The following IL1RAPL2 variants were observed in gnomAD, a reference collection of about 807,000 sequenced individuals.
IL1RAPL2 encodes X-linked interleukin-1 receptor accessory protein-like 2.
A neutral mutation model predicts 44.1 loss-of-function variants in IL1RAPL2; 3 were observed. The observed-to-expected ratio is 0.07, with a 90% CI of 0.03 to 0.18. The LOEUF is 0.18. IL1RAPL2 is among the 10% of genes least tolerant of loss of function. IL1RAPL2 has a pLI of 1.00. For missense variants in IL1RAPL2, 391 were observed against 496.4 expected, an observed-to-expected ratio of 0.79 and a Z score of 2.02; for synonymous variants, 181 against 178.8, an observed-to-expected ratio of 1.01 and a Z score of -0.10.
chrX:105,755,080 TA>T, intron 9 of IL1RAPL2, 96 bp from the exon 10 acceptor site: 1 of 528,924 alleles, frequency 1.9e-6, no homozygotes, highest in Admixed American at 3.4e-5. Flanking sequence ...TTCCAATTAT[TA>T]AAGACGGTCA....
At chrX:105,191,111 G>A in intron 2 of IL1RAPL2, among the ~76,000 whole-genome samples, 1 of 112,911 alleles carries the variant, frequency 8.9e-6, no homozygotes, top group East Asian at 2.8e-4. Flanking sequence ...TGGTTGTACA[G>A]ATCAGAATGA....
intron 2 of IL1RAPL2, among the ~76,000 whole-genome samples, chrX:105,191,495 G>C (rs1462196661): frequency 8.9e-6 from 1 of 112,095 alleles, no homozygotes; most frequent in African/African-American, 3.2e-5. Flanking sequence ...GATTACAGCT[G>C]TGAGCCACTG....
At chrX:105,110,313 T>G (rs2032788222) in intron 2 of IL1RAPL2, among the ~76,000 whole-genome samples, 1 of 112,307 alleles carries the variant, frequency 8.9e-6, no homozygotes, top group South Asian at 3.7e-4. Context: ...CACAAGTTCT[T>G]TTGCGGAAAA....
intron 2 of IL1RAPL2, among the ~76,000 whole-genome samples, chrX:105,153,483 C>T (rs764325458): frequency 9.0e-5 from 10 of 111,423 alleles, no homozygotes; most frequent in Admixed American, 3.8e-4. Context: ...AAAAAATATC[C>T]GAGACAGATT....
At chrX:105,372,809 T>C (rs2035354054) in intron 5 of IL1RAPL2, among the ~76,000 whole-genome samples, 1 of 112,278 alleles carries the variant, frequency 8.9e-6, no homozygotes, top group African/African-American at 3.2e-5. Flanking sequence ...AAGCATGATT[T>C]CATTCTTTTT....
intron 1 of IL1RAPL2, among the ~76,000 whole-genome samples, chrX:104,633,081 T>A (rs2148012633): frequency 8.9e-6 from 1 of 111,973 alleles, no homozygotes; most frequent in South Asian, 3.8e-4. Flanking sequence ...AGGCCTTTTC[T>A]GCATCTAGTG....
At chrX:105,447,609 ATATATAAACATAAATATATATT>A (rs1296875739) in intron 5 of IL1RAPL2, among the ~76,000 whole-genome samples, 1 of 75,318 alleles carries the variant, frequency 1.3e-5, no homozygotes, top group Non-Finnish European at 2.3e-5. Context: ...ATAAATATAA[ATATATAAACATAAATATATATT>A]TATATAAATA....
chrX:105,541,608 ATCC>A (rs1032083494), intron 6 of IL1RAPL2, among the ~76,000 whole-genome samples: 19 of 110,504 alleles, frequency 1.7e-4, no homozygotes, highest in African/African-American at 5.9e-4. Flanking sequence ...AGATTATCAA[ATCC>A]TCCTTTCTGC....
chrX:105,250,244 A>AT (rs201821976), intron 4 of IL1RAPL2, among the ~76,000 whole-genome samples: 16,023 of 110,219 alleles, frequency 0.15, 2,295 homozygotes, highest in African/African-American at 0.44. Context: ...ATCACAGAAT[A>AT]TTTTTAGGGT....
At chrX:105,342,768 T>A (rs1159863803) in intron 5 of IL1RAPL2, among the ~76,000 whole-genome samples, 1 of 112,294 alleles carries the variant, frequency 8.9e-6, no homozygotes, top group Non-Finnish European at 1.9e-5. Flanking sequence ...ATTTATTTAA[T>A]CTCAAGACAC....
intron 2 of IL1RAPL2, among the ~76,000 whole-genome samples, chrX:105,006,237 T>C (rs941579175): frequency 3.9e-4 from 43 of 110,381 alleles, no homozygotes; most frequent in African/African-American, 1.3e-3. Flanking sequence ...GCTCTTACTT[T>C]ATGAACTTTG....
intron 5 of IL1RAPL2, among the ~76,000 whole-genome samples, chrX:105,353,650 C>G (rs1159049351): frequency 3.6e-5 from 4 of 111,273 alleles, no homozygotes; most frequent in African/African-American, 1.3e-4. Context: ...TCCTTCACAT[C>G]CCTTGTAAGC....
intron 2 of IL1RAPL2, among the ~76,000 whole-genome samples, chrX:104,818,928 T>G (rs905159476): frequency 8.9e-6 from 1 of 112,092 alleles, no homozygotes; most frequent in African/African-American, 3.2e-5. Flanking sequence ...GCACAATGCC[T>G]GGCATATAGT....
At chrX:105,218,816 G>T in intron 3 of IL1RAPL2, 1 of 489,229 alleles carries the variant, frequency 2.0e-6, no homozygotes, top group South Asian at 3.7e-5. Flanking sequence ...GAAGTTATTC[G>T]TAAAGGTACC....
chrX:105,480,540 C>T (rs1399170708), intron 5 of IL1RAPL2, among the ~76,000 whole-genome samples: 1 of 111,858 alleles, frequency 8.9e-6, no homozygotes, highest in South Asian at 3.7e-4. Context: ...GTATCCTTTG[C>T]TCCCATTCTT....
rs528805951 is a variant in IL1RAPL2, at chrX:104,935,067, G to A, written c.83-260408G>A. On this transcript the variant is annotated intron_variant, in intron 2 of 10. Coordinates refer to ENST00000372582, the MANE Select transcript of IL1RAPL2 (RefSeq NM_017416.2). ...TGCTTAATAAAAGGTCTAGCACTTA[G>A]GGGACACTGTGCCTAATAATATTGT... is the stretch of plus-strand genomic sequence containing the variant. Among the ~76,000 whole-genome samples, 157 of 111,648 alleles carry A rather than the reference G, an allele frequency of 1.4e-3. 1 individual carries two copies. Among genetic ancestry groups the A allele is most frequent in the African/African-American group, 4.7e-3 (145 of 30,836 alleles).
Position 105,582,933 on chromosome X carries a change from T to C in IL1RAPL2, c.772+98546T>C, listed in dbSNP as rs1004998755. 3.6e-5 allele frequency among the ~76,000 whole-genome samples: 4 copies of C among 110,610 alleles called. No individual in the cohort carries two copies. In the South Asian group the frequency reaches 1.1e-3, roughly 31 times the overall value. On this transcript the variant is annotated intron_variant, in intron 6 of 10. Transcript: ENST00000372582. The stretch of plus-strand genomic sequence containing the variant: ...AGCAATATTGATATGTACTTTTTAT[T>C]TCTTGAAATATCTCCTTCTGGATTT...
At chrX:105,635,289 A>G (rs1325808731) in intron 6 of IL1RAPL2, among the ~76,000 whole-genome samples, 1 of 111,606 alleles carries the variant, frequency 9.0e-6, no homozygotes, top group African/African-American at 3.3e-5. Flanking sequence ...CAATATTTTC[A>G]TCTTCATTGA....
At chrX:105,570,556 T>TCCC (rs765865840) in intron 6 of IL1RAPL2, among the ~76,000 whole-genome samples, 3 of 111,859 alleles carry the variant, frequency 2.7e-5, no homozygotes, top group East Asian at 5.6e-4. Flanking sequence ...TAGTTTACAT[T>TCCC]CCCACCAGCA....
Sources: allele counts gnomAD v4.1 joint callset (sites outside exome capture counted in the v4.1 genomes callset), GRCh38; gene constraint gnomAD v4.1.1; transcripts MANE v1.5; gene names NCBI Gene and HGNC (gene_info 2026-07-23, HGNC 2026-07-21).